PDE4D: variants seen among roughly 807,000 people sequenced by gnomAD.
The protein encoded by PDE4D is phosphodiesterase 4D.
A neutral mutation model predicts 87.4 loss-of-function variants in PDE4D; 24 were observed. The observed-to-expected ratio is 0.27, with a 90% CI of 0.20 to 0.39. The LOEUF is 0.39. PDE4D is among the 10% of genes least tolerant of loss of function. PDE4D has a pLI of 1.00. For synonymous variants in PDE4D, 384 were observed against 383.2 expected (o/e 1.00, Z -0.02); for missense variants, 714 against 1,041.0 (o/e 0.69, Z 4.32).
At position 60,453,259 on chromosome 5, in the gene PDE4D, T is replaced by C. The variant is rs530241196; in HGVS notation, c.-90+34683A>G. Among the ~76,000 whole-genome samples the C allele has an allele frequency of 1.3e-4, 20 of 152,264 alleles. No homozygotes were observed. In the East Asian group the frequency reaches 1.4e-3, roughly 10 times the overall value. The stretch of plus-strand genomic sequence containing the variant: ...GGCATGTTTGCTTGTGCATATCAGA[T>C]TGTGTAGTCGCAAACCTGGGAATTA... On this transcript the variant is annotated intron_variant, in intron 1 of 16. Transcript: ENST00000502484.
chr5:59,170,840 C>T (rs1782637616), intron 5 of PDE4D, among the ~76,000 whole-genome samples: 1 of 151,262 alleles, frequency 6.6e-6, no homozygotes, highest in South Asian at 2.1e-4. Context: ...CCTTTATGCA[C>T]ATTCACAGTG....
chr5:59,960,057 C>A (rs951811069), intron 3 of PDE4D, among the ~76,000 whole-genome samples: 2 of 152,030 alleles, frequency 1.3e-5, no homozygotes, highest in Admixed American at 1.3e-4. Flanking sequence ...AGACACTTTT[C>A]AAAAGAAGAC....
At chr5:59,438,794 GGAAA>G (rs1180887817) in intron 1 of PDE4D, among the ~76,000 whole-genome samples, 1 of 148,200 alleles carries the variant, frequency 6.7e-6, no homozygotes, top group Non-Finnish European at 1.5e-5. Flanking sequence ...AATGATCCAA[GGAAA>G]AAAAAACAAA....
At chr5:59,929,891 T>G (rs1481943002) in intron 3 of PDE4D, among the ~76,000 whole-genome samples, 1 of 152,112 alleles carries the variant, frequency 6.6e-6, no homozygotes, top group Non-Finnish European at 1.5e-5. Flanking sequence ...AACCATAATG[T>G]AAGTTTGAGC....
At chr5:59,761,642 C>T (rs865860248) in intron 1 of PDE4D, among the ~76,000 whole-genome samples, 23 of 152,116 alleles carry the variant, frequency 1.5e-4, no homozygotes, top group Admixed American at 2.0e-4. Flanking sequence ...GTATCATTAT[C>T]TTCCTCCTCC....
At chr5:59,392,957 C>T (rs1582342785) in intron 1 of PDE4D, among the ~76,000 whole-genome samples, 1 of 152,066 alleles carries the variant, frequency 6.6e-6, no homozygotes, top group South Asian at 2.1e-4. Context: ...GTGATGTGAA[C>T]TCAGCTGAAG....
intron 2 of PDE4D, among the ~76,000 whole-genome samples, chr5:59,207,652 A>G (rs1749100843): frequency 6.6e-6 from 1 of 152,064 alleles, no homozygotes; most frequent in Admixed American, 6.6e-5. Context: ...AGTGTCTCAT[A>G]GGATTGTGGA....
At chr5:59,717,142 C>T (rs1212509657) in intron 1 of PDE4D, among the ~76,000 whole-genome samples, 2 of 152,148 alleles carry the variant, frequency 1.3e-5, no homozygotes, top group African/African-American at 4.8e-5. Flanking sequence ...TGCCTTTATT[C>T]TCTCTCAGAT....
intron 2 of PDE4D, among the ~76,000 whole-genome samples, chr5:60,153,970 T>C (rs1192497734): frequency 6.6e-6 from 1 of 152,194 alleles, no homozygotes; most frequent in African/African-American, 2.4e-5. Flanking sequence ...CAATACTGTA[T>C]TGTCTACTTA....
chr5:59,759,112 A>G (rs1761653129), intron 1 of PDE4D, among the ~76,000 whole-genome samples: 1 of 152,186 alleles, frequency 6.6e-6, no homozygotes, highest in African/African-American at 2.4e-5. Flanking sequence ...CTTCTTCCTG[A>G]AAGTGCTACT....
intron 1 of PDE4D, among the ~76,000 whole-genome samples, chr5:59,585,287 G>A (rs1824931653): frequency 6.6e-6 from 1 of 152,150 alleles, no homozygotes; most frequent in African/African-American, 2.4e-5. Context: ...CAAACCAGCA[G>A]GTGATTTTGG....
At chr5:59,199,674 A>G (rs1252884982) in intron 2 of PDE4D, among the ~76,000 whole-genome samples, 2 of 152,080 alleles carry the variant, frequency 1.3e-5, no homozygotes, top group East Asian at 3.9e-4. Flanking sequence ...TTTTAAAATG[A>G]ATATAAAAAT....
intron 5 of PDE4D, chr5:59,039,905 C>A (rs1211992607): frequency 6.6e-6 from 1 of 152,480 alleles, no homozygotes; most frequent in African/African-American, 2.4e-5. Flanking sequence ...GGGGTCGCGC[C>A]CGCCGCGGGG....
intron 2 of PDE4D, among the ~76,000 whole-genome samples, chr5:60,158,710 C>T (rs1582906380): frequency 6.6e-6 from 1 of 152,142 alleles, no homozygotes; most frequent in Non-Finnish European, 1.5e-5. Context: ...CCACAGGCCC[C>T]CGCCACCACT....
At chr5:59,779,722 T>G (rs552548171) in intron 1 of PDE4D, among the ~76,000 whole-genome samples, 2 of 152,254 alleles carry the variant, frequency 1.3e-5, no homozygotes, top group African/African-American at 4.8e-5. Context: ...TATTTCATAT[T>G]TCATTTAGCC....
At chr5:60,284,783 T>C (rs1045679783) in intron 1 of PDE4D, among the ~76,000 whole-genome samples, 1 of 151,930 alleles carries the variant, frequency 6.6e-6, no homozygotes, top group Non-Finnish European at 1.5e-5. Flanking sequence ...TCAGGATAGG[T>C]AGTTGGCCAG....
intron 1 of PDE4D, among the ~76,000 whole-genome samples, chr5:59,463,676 T>A (rs2153647356): frequency 6.6e-6 from 1 of 152,336 alleles, no homozygotes; most frequent in African/African-American, 2.4e-5. Context: ...TAAAAAATGT[T>A]TCTGCTAGGT....
At chr5:59,364,566 T>C (rs1782741050) in intron 1 of PDE4D, among the ~76,000 whole-genome samples, 1 of 152,150 alleles carries the variant, frequency 6.6e-6, no homozygotes, top group Non-Finnish European at 1.5e-5. Context: ...GAATTTATAT[T>C]TGAAAATAAA....
At chr5:59,750,080 T>C (rs1441617409) in intron 1 of PDE4D, among the ~76,000 whole-genome samples, 3 of 133,364 alleles carry the variant, frequency 2.2e-5, no homozygotes, top group African/African-American at 5.6e-5. Context: ...GACAGAATTA[T>C]GACCTTTTTT....
Sources: gnomAD v4.1 joint callset for allele counts (sites outside exome capture counted in the v4.1 genomes callset) on GRCh38, gnomAD v4.1.1 for gene constraint, MANE v1.5 for transcripts, NCBI Gene and HGNC (gene_info 2026-07-23, HGNC 2026-07-21) for gene names.